TAOK3: variants seen among roughly 807,000 people sequenced by gnomAD.
The protein encoded by TAOK3 is serine/threonine-protein kinase TAO3.
Under a neutral mutation model 120.4 loss-of-function variants are expected in TAOK3, and 40 were observed. The observed-to-expected ratio is 0.33, with a 90% confidence interval of 0.26 to 0.43. The LOEUF is 0.43. TAOK3 is among the 20% of genes least tolerant of loss of function. TAOK3 has a pLI of 1.00. For synonymous variants in TAOK3, 355 were observed against 387.5 expected, an observed-to-expected ratio of 0.92 and a Z score of 0.99; for missense variants, 821 against 1,112.1, an observed-to-expected ratio of 0.74 and a Z score of 3.72.
chr12:118,221,131 A>G (rs1363323854), intron 9 of TAOK3, among the ~76,000 whole-genome samples: 3 of 152,284 alleles, frequency 2.0e-5, no homozygotes, highest in Non-Finnish European at 4.4e-5. Context: ...TATGATAGAC[A>G]TTAGATAGCT....
chr12:118,238,232 A>G, intron 6 of TAOK3, 63 bp from the exon 7 acceptor site: 1 of 978,968 alleles, frequency 1.0e-6, no homozygotes, highest in East Asian at 2.4e-5. Flanking sequence ...TTATTATTTT[A>G]TACAGCTATA....
chr12:118,253,882 C>T (rs1260889269), intron 3 of TAOK3, among the ~76,000 whole-genome samples: 1 of 152,130 alleles, frequency 6.6e-6, no homozygotes, highest in Non-Finnish European at 1.5e-5. Context: ...AACCCGGTCT[C>T]TACTAAAAAT....
chr12:118,360,460 C>T (rs2045556988), intron 1 of TAOK3, among the ~76,000 whole-genome samples: 1 of 145,500 alleles, frequency 6.9e-6, no homozygotes, highest in Non-Finnish European at 1.5e-5. Context: ...TCCAGCTACT[C>T]GGGAGGCTGA....
intron 1 of TAOK3, among the ~76,000 whole-genome samples, chr12:118,335,127 T>C (rs972136304): frequency 6.7e-6 from 1 of 149,626 alleles, no homozygotes; most frequent in Admixed American, 6.7e-5. Context: ...GAGGTTTCAG[T>C]GAGCCAAGGT....
chr12:118,321,007 C>T (rs563217808), intron 1 of TAOK3, among the ~76,000 whole-genome samples: 15 of 152,000 alleles, frequency 9.9e-5, no homozygotes, highest in South Asian at 2.1e-4. Flanking sequence ...AATGTGCATA[C>T]GTATATGCAT....
chr12:118,352,093 C>T (rs1301767924), intron 1 of TAOK3, among the ~76,000 whole-genome samples: 3 of 151,118 alleles, frequency 2.0e-5, no homozygotes, highest in Admixed American at 6.6e-5. Flanking sequence ...AAGATGGTCT[C>T]GATCTCCTGA....
intron 1 of TAOK3, among the ~76,000 whole-genome samples, chr12:118,301,157 C>T (rs1283929553): frequency 2.0e-5 from 3 of 152,202 alleles, no homozygotes; most frequent in Non-Finnish European, 4.4e-5. Flanking sequence ...TTTAGTTCTA[C>T]AATTTTTGCC....
At position 118,187,213 on chromosome 12, in the gene TAOK3, C is replaced by T. The variant is rs115215542; in HGVS notation, c.1329+2594G>A. Among the ~76,000 whole-genome samples, 870 of 152,096 alleles carry T rather than the reference C, an allele frequency of 5.7e-3. 9 individuals are homozygous for T. Among genetic ancestry groups the T allele is most frequent in the African/African-American group, 0.02 (822 of 41,494 alleles). On this transcript the variant is annotated intron_variant, in intron 14 of 20. Coordinates refer to ENST00000392533, the MANE Select transcript of TAOK3 (RefSeq NM_016281.4). ...GCCTCTACTAGAAGATGTTAAAGAA[C>T]GAGTAAAACCAAAATAAATGAATAA...
At chr12:118,245,031 A>G in intron 3 of TAOK3, 66 bp from the exon 4 acceptor site, 3 of 1,045,258 alleles carry the variant, frequency 2.9e-6, no homozygotes, top group Non-Finnish European at 2.9e-6. Flanking sequence ...TAACTTAAAT[A>G]TTTGACTAGA....
chr12:118,179,858 C>A (rs1171884355), intron 15 of TAOK3, among the ~76,000 whole-genome samples: 2 of 150,202 alleles, frequency 1.3e-5, no homozygotes, highest in Admixed American at 6.6e-5. Context: ...GTTGGCCAGG[C>A]TGGTCTCAAA....
intron 11 of TAOK3, among the ~76,000 whole-genome samples, chr12:118,209,089 T>C (rs978681513): frequency 6.6e-6 from 1 of 152,160 alleles, no homozygotes; most frequent in Non-Finnish European, 1.5e-5. Flanking sequence ...CAGTTTGTAA[T>C]AGCAAAAGAT....
At position 118,354,357 on chromosome 12, in the gene TAOK3, G is replaced by A. The variant is rs146609474; in HGVS notation, c.-194+18291C>T. ...CAGCTACTAAGTGACGAATAGGCAC[G>A]TAGCATCTACAGTGTGGATAGGCTG... On this transcript the variant is annotated intron_variant, in intron 1 of 20. Coordinates refer to ENST00000392533, the MANE Select transcript of TAOK3 (RefSeq NM_016281.4). Among the ~76,000 whole-genome samples, 891 of 152,302 alleles carry A rather than the reference G, an allele frequency of 5.9e-3. 30 individuals carry two copies. Among genetic ancestry groups the A allele is most frequent in the Admixed American group, 0.055 (841 of 15,296 alleles).
At chr12:118,297,517 T>C (rs533992068) in intron 1 of TAOK3, among the ~76,000 whole-genome samples, 32 of 152,216 alleles carry the variant, frequency 2.1e-4, no homozygotes, top group African/African-American at 7.0e-4. Flanking sequence ...ATTACCCTTA[T>C]GTAGAGTGCC....
At chr12:118,355,986 G>A (rs1277696622) in intron 1 of TAOK3, among the ~76,000 whole-genome samples, 1 of 152,148 alleles carries the variant, frequency 6.6e-6, no homozygotes, top group Non-Finnish European at 1.5e-5. Context: ...AAACTATCCT[G>A]CCAATCCCAA....
At chr12:118,271,050 A>G (rs374741720) in intron 1 of TAOK3, among the ~76,000 whole-genome samples, 2 of 152,158 alleles carry the variant, frequency 1.3e-5, no homozygotes, top group African/African-American at 4.8e-5. Flanking sequence ...AGTATTCTAA[A>G]ACTGGATGGC....
chr12:118,368,888 TG>T (rs1424011590), intron 1 of TAOK3, among the ~76,000 whole-genome samples: 2 of 144,828 alleles, frequency 1.4e-5, no homozygotes, highest in African/African-American at 5.1e-5. Flanking sequence ...CTGAGGATAG[TG>T]GGTTTATGCC....
intron 2 of TAOK3, among the ~76,000 whole-genome samples, chr12:118,262,983 GAGA>G (rs773929570): frequency 1.3e-5 from 2 of 152,152 alleles, no homozygotes; most frequent in Admixed American, 6.5e-5. Context: ...TTTAAACTCT[GAGA>G]AGTTTAATCT....
chr12:118,161,971 G>C lies in TAOK3; in HGVS notation c.1956C>G (p.His652Gln), dbSNP rs369335110. 1 of 1,614,066 alleles carries C rather than the reference G, an allele frequency of 6.2e-7. No homozygotes were observed. The highest frequency in any genetic ancestry group is 2.2e-5 in the East Asian group (1 of 44,882). The part of the protein sequence containing the change: ...KEMEHAMLIR[H>Q]DESTRELEYR... ...ACTCTAGCTCTCGGGTGGACTCGTCGTGCCGGATTAGCATGGCATGCTCCA... is the reference window on the plus strand; with the variant it reads ...ACTCTAGCTCTCGGGTGGACTCGTCCTGCCGGATTAGCATGGCATGCTCCA... The change falls in exon 18 of 21, where the codon CAC (histidine) becomes CAG (glutamine). Residue 652 changes from histidine (H) to glutamine (Q), a missense_variant. By Grantham distance (24) the His-to-Gln change is conservative. Around this residue, in one of 2 missense-constraint regions of TAOK3, gnomAD observed 354 missense variants for 572.1 expected, o/e 0.62. Transcript: ENST00000392533. This position sits in a 1 kb window ranked among gnomAD's most constrained non-coding sequence, Gnocchi z 4.5.
chr12:118,160,241 T>C lies in TAOK3; in HGVS notation c.2257A>G (p.Ile753Val), dbSNP rs770435684. 12 of 1,614,228 alleles carry C rather than the reference T, an allele frequency of 7.4e-6. No individual in the cohort carries two copies. Among genetic ancestry groups the C allele is most frequent in the South Asian group, 1.1e-5 (1 of 91,086 alleles). ...EVTPKNEHKT[I>V]LKTLKDEQTR... Reference sequence around the variant, plus strand: ...TGCTCATCTTTCAGTGTCTTTAAGATTGTTTTGTGCTCATTCTTTGGAGTA... The same window carrying C: ...TGCTCATCTTTCAGTGTCTTTAAGACTGTTTTGTGCTCATTCTTTGGAGTA... The change falls in exon 19 of 21, where the codon ATC becomes GTC. Residue 753 changes from isoleucine to valine, a missense_variant. Physicochemically the swap from Ile to Val is conservative, Grantham distance 29. Around this residue, in one of 2 missense-constraint regions of TAOK3, gnomAD observed 354 missense variants for 572.1 expected, o/e 0.62. Coordinates refer to ENST00000392533, the MANE Select transcript of TAOK3 (RefSeq NM_016281.4). This position sits in a 1 kb window ranked among gnomAD's most constrained non-coding sequence, Gnocchi z 4.2.
Sources: allele counts gnomAD v4.1 joint callset (sites outside exome capture counted in the v4.1 genomes callset), GRCh38; gene constraint gnomAD v4.1.1; regional missense constraint gnomAD v4.1.1; non-coding constraint Gnocchi (gnomAD v3.1); transcripts MANE v1.5; gene names NCBI Gene and HGNC (gene_info 2026-07-23, HGNC 2026-07-21).